Variants in CCDC148 observed in about 807,000 individuals in gnomAD.
CCDC148 encodes coiled-coil domain containing 148.
CCDC148 carries 89 observed loss-of-function variants against 85.7 expected under a neutral mutation model. The ratio of observed to expected loss-of-function variants is 1.04; its 90% CI spans 0.87 to 1.24. The LOEUF (loss-of-function observed/expected upper bound fraction) is 1.24, where lower values mean the gene tolerates loss of function less well. Ranked by LOEUF, CCDC148 falls within the 50% of genes most tolerant of loss-of-function variation. CCDC148 has a pLI of 0.00. For synonymous variants in CCDC148, 230 were observed against 213.9 expected (o/e 1.08, Z -0.66); for missense variants, 692 against 671.7 (o/e 1.03, Z -0.33).
intron 1 of CCDC148, among the ~76,000 whole-genome samples, chr2:158,387,515 C>A (rs971402347): frequency 6.6e-6 from 1 of 152,098 alleles, no homozygotes; most frequent in Non-Finnish European, 1.5e-5. Context: ...TACACAGATG[C>A]CTCCCTTATC....
chr2:158,222,023 A>ATC (rs1336532504), intron 10 of CCDC148, among the ~76,000 whole-genome samples: 1 of 152,220 alleles, frequency 6.6e-6, no homozygotes, highest in East Asian at 1.9e-4. Context: ...TGTCATCTCC[A>ATC]TCTGGGAATT....
intron 10 of CCDC148, among the ~76,000 whole-genome samples, chr2:158,240,418 GT>G: frequency 7.1e-6 from 1 of 141,828 alleles, no homozygotes; most frequent in Non-Finnish European, 1.5e-5. Context: ...CTGGGATCCA[GT>G]TAGATCACTC....
At chr2:158,367,880 T>C (rs1327600399) in intron 1 of CCDC148, among the ~76,000 whole-genome samples, 2 of 152,212 alleles carry the variant, frequency 1.3e-5, no homozygotes, top group Non-Finnish European at 2.9e-5. Context: ...ATGTTTCTTA[T>C]GTGAGAGAAA....
At chr2:158,404,139 T>C (rs1458420536) in intron 1 of CCDC148, among the ~76,000 whole-genome samples, 1 of 152,090 alleles carries the variant, frequency 6.6e-6, no homozygotes, top group Non-Finnish European at 1.5e-5. Flanking sequence ...AAATGCTCAA[T>C]AAAAGCCATT....
intron 9 of CCDC148, among the ~76,000 whole-genome samples, chr2:158,291,925 C>T (rs1396592407): frequency 6.6e-6 from 1 of 152,170 alleles, no homozygotes; most frequent in African/African-American, 2.4e-5. Flanking sequence ...CCCAGGCATT[C>T]AACATATGTC....
intron 1 of CCDC148, among the ~76,000 whole-genome samples, chr2:158,359,626 G>T (rs6756255): frequency 4.9e-4 from 75 of 152,190 alleles, no homozygotes; most frequent in African/African-American, 1.7e-3. Flanking sequence ...GAGGGACTGT[G>T]CCGTGAGGAA....
intron 1 of CCDC148, chr2:158,393,450 AG>A (rs981863406): frequency 6.6e-6 from 1 of 152,162 alleles, no homozygotes; most frequent in African/African-American, 2.4e-5. Context: ...CTTTAATAGC[AG>A]GGGGCTTTCA....
intron 9 of CCDC148, among the ~76,000 whole-genome samples, chr2:158,258,895 C>T (rs1434215019): frequency 2.0e-5 from 3 of 151,892 alleles, no homozygotes; most frequent in Middle Eastern, 3.4e-3. Flanking sequence ...GTTTCTACTG[C>T]TCATGGGGTA....
chr2:158,283,480 C>G (rs1559042641), intron 9 of CCDC148, among the ~76,000 whole-genome samples: 2 of 152,208 alleles, frequency 1.3e-5, no homozygotes, highest in African/African-American at 2.4e-5. Flanking sequence ...TGAATAGACA[C>G]TTCTCAAAAG....
chr2:158,330,227 A>G (rs937108663), intron 7 of CCDC148, among the ~76,000 whole-genome samples: 1 of 152,188 alleles, frequency 6.6e-6, no homozygotes, highest in Non-Finnish European at 1.5e-5. Context: ...AGCGTTCTTG[A>G]ATTTTGTCAA....
At chr2:158,233,669 C>T (rs1012983134) in intron 10 of CCDC148, among the ~76,000 whole-genome samples, 2 of 151,964 alleles carry the variant, frequency 1.3e-5, no homozygotes, top group Non-Finnish European at 2.9e-5. Flanking sequence ...TTAGCCAGTT[C>T]ATGCAGGGGT....
chr2:158,290,983 A>G (rs145137307), intron 9 of CCDC148, among the ~76,000 whole-genome samples: 2 of 151,852 alleles, frequency 1.3e-5, no homozygotes, highest in East Asian at 3.9e-4. Flanking sequence ...CTCTATCACC[A>G]TCACTCTAGT....
At chr2:158,431,506 T>C (rs76303236) in intron 1 of CCDC148, among the ~76,000 whole-genome samples, 9,086 of 149,816 alleles carry the variant, frequency 0.061, 400 homozygotes, top group Admixed American at 0.11. Flanking sequence ...AAAAAACCTG[T>C]CAATTTATAA....
Position 158,221,042 on chromosome 2 carries a change from T to TG in CCDC148, c.1252-330dup, listed in dbSNP as rs569991396. Among the ~76,000 whole-genome samples, 18 of 152,356 alleles carry TG rather than the reference T, an allele frequency of 1.2e-4. No homozygotes were observed. The East Asian group carries it at 3.5e-3, about 29-fold the overall frequency. On this transcript the variant is annotated intron_variant, in intron 10 of 13. Transcript: ENST00000283233. ...AGTGTGTTATTGTCTCTAAAGTATA[T>TG]GATCTACCTGTTACTCAAGAATATT... is the stretch of plus-strand genomic sequence containing the variant.
intron 2 of CCDC148, among the ~76,000 whole-genome samples, chr2:158,349,580 T>C (rs1683160370): frequency 6.6e-6 from 1 of 152,026 alleles, no homozygotes. Context: ...AGTTATTTAA[T>C]TCCACTTAAG....
At chr2:158,209,796 A>G (rs981320189) in intron 11 of CCDC148, among the ~76,000 whole-genome samples, 4 of 152,204 alleles carry the variant, frequency 2.6e-5, no homozygotes, top group Middle Eastern at 3.2e-3. Context: ...CCTGCCTTAC[A>G]AGAGCTCCTG....
intron 1 of CCDC148, among the ~76,000 whole-genome samples, chr2:158,430,439 C>G (rs886099056): frequency 1.3e-5 from 2 of 152,058 alleles, no homozygotes; most frequent in African/African-American, 4.8e-5. Context: ...AAAAAGCACT[C>G]AAAGCACCAG....
rs1050635104 is a variant in CCDC148 at position 158,332,455 on chromosome 2, C to G, written c.764+6271G>C. On this transcript the variant is annotated intron_variant, in intron 7 of 13. Coordinates refer to ENST00000283233, the MANE Select transcript of CCDC148 (RefSeq NM_138803.4). ...GCCCTTAACATTTTTTCCCTCATTT[C>G]AACTTTGGTGAATCTGACAGTTATT... Among the ~76,000 whole-genome samples, 3 of 114,888 alleles carry G rather than the reference C, an allele frequency of 2.6e-5. No homozygotes were observed. In the East Asian group the frequency reaches 7.6e-4, roughly 29 times the overall value. The allele number at this position is 114,888 out of a possible 152,430, so 75.4% of individuals were successfully genotyped here. A position where few individuals can be genotyped will look rare whatever the true frequency, so the allele number is the denominator to read the frequency against.
At chr2:158,271,141 C>T (rs538797073) in intron 9 of CCDC148, among the ~76,000 whole-genome samples, 1 of 152,270 alleles carries the variant, frequency 6.6e-6, no homozygotes, top group Admixed American at 6.5e-5. Flanking sequence ...TCACTTTCAT[C>T]ATCTAATAGA....
Sources: gnomAD v4.1 joint callset for allele counts (sites outside exome capture counted in the v4.1 genomes callset) on GRCh38, gnomAD v4.1.1 for gene constraint, MANE v1.5 for transcripts, NCBI Gene and HGNC (gene_info 2026-07-23, HGNC 2026-07-21) for gene names.